Variants in STX1A observed in about 807,000 individuals in gnomAD.
STX1A encodes syntaxin-1A.
In STX1A, 4 loss-of-function variants were observed where a neutral mutation model predicts 37.8. The ratio of observed to expected loss-of-function variants is 0.11; its 90% CI spans 0.05 to 0.24. The LOEUF (loss-of-function observed/expected upper bound fraction) is 0.24, where lower values mean the gene tolerates loss of function less well. STX1A is among the 10% of genes least tolerant of loss of function. The probability of loss-of-function intolerance (pLI) is 1.00; values close to 1 mark genes in which losing one functional copy is unlikely to be tolerated. For missense variants in STX1A, 251 were observed against 399.9 expected (o/e 0.63, Z 3.18); for synonymous variants, 135 against 147.4 (o/e 0.92, Z 0.61).
At chr7:73,708,091 C>A (rs1170666475) in intron 3 of STX1A, among the ~76,000 whole-genome samples, 3 of 150,612 alleles carry the variant, frequency 2.0e-5, no homozygotes, top group African/African-American at 7.3e-5. Context: ...TGGTGAAACC[C>A]CGTCTCTACT....
At chr7:73,711,805 G>T (rs74656420) in intron 1 of STX1A, among the ~76,000 whole-genome samples, 2,112 of 152,130 alleles carry the variant, frequency 0.014, 53 homozygotes, top group African/African-American at 0.048. Context: ...AGAGACGAGC[G>T]TCACTGCCAG....
At chr7:73,703,921 C>G (rs1464993768) in intron 6 of STX1A, 93 bp from the exon 7 acceptor site, 1 of 1,385,514 alleles carries the variant, frequency 7.2e-7, no homozygotes, top group Non-Finnish European at 9.7e-7. Flanking sequence ...GGCCCGGGCT[C>G]CCCCCAGCCC....
Position 73,700,381 on chromosome 7 carries a change from G to A in STX1A, c.*26C>T. 6.2e-7 allele frequency: 1 copy of A among 1,612,150 alleles called. No individual in the cohort carries two copies. Among genetic ancestry groups the A allele is most frequent in the Non-Finnish European group, 8.5e-7 (1 of 1,178,376 alleles). On this transcript the variant is annotated 3_prime_UTR_variant, in exon 10 of 10. Coordinates refer to ENST00000222812, the MANE Select transcript of STX1A (RefSeq NM_004603.4). This position sits in a 1 kb window ranked among gnomAD's most constrained non-coding sequence, Gnocchi z 4.4. ...GGGCCTCCTTGGAGTGGCCCACCTG[G>A]AGTGGAGTGGCAGTTTGGGTGGCTT...
In STX1A at chr7:73,705,365, C is replaced by T; in HGVS notation, c.209-141G>A. 1.5e-6 allele frequency: 1 copy of T among 668,648 alleles called. No homozygotes were observed. Among genetic ancestry groups the T allele is most frequent in the Non-Finnish European group, 2.6e-6 (1 of 384,186 alleles). 41.4% of individuals were successfully genotyped at this position (668,648 alleles called of 1,614,324 possible). A position where few individuals can be genotyped will look rare whatever the true frequency, so the allele number is the denominator to read the frequency against. ...CCCTGTTCCCCTGGCTAAGGCTCTG[C>T]CTGCCCGCCCCCCTCCCCCAATTCT... On this transcript the variant is annotated intron_variant, in intron 3 of 9. Transcript: ENST00000222812. The surrounding 1 kb of genome is among the most constrained non-coding windows in gnomAD (Gnocchi z 5.2).
At position 73,719,445 on chromosome 7, in the gene STX1A, A is replaced by AG. The variant is rs1405941987; in HGVS notation, c.30+156dup. On this transcript the variant is annotated intron_variant, in intron 1 of 9. Transcript: ENST00000222812. ...AGTGGGTCCGAGGGGCGGAACCCGGAGGGGGGTCGAGGTCCCTGGCTCGCC... is the reference window on the plus strand; with the variant it reads ...AGTGGGTCCGAGGGGCGGAACCCGGAGGGGGGGTCGAGGTCCCTGGCTCGCC... Among the ~76,000 whole-genome samples the AG allele has an allele frequency of 2.6e-5, 4 of 152,010 alleles. No homozygotes were observed. In the East Asian group the frequency reaches 7.8e-4, roughly 29 times the overall value.
intron 3 of STX1A, 131 bp downstream of exon 3, chr7:73,708,458 C>A (rs1798965713): frequency 3.6e-6 from 3 of 839,340 alleles, no homozygotes; most frequent in South Asian, 3.3e-5. Context: ...ACCCTCCCGA[C>A]CCTGGCCCGC....
intron 2 of STX1A, 121 bp from the exon 3 acceptor site, chr7:73,708,809 G>A (rs868991469): frequency 9.2e-7 from 1 of 1,089,316 alleles, no homozygotes. Context: ...CAGGCTCCGG[G>A]TGCTGGGGTG....
rs1160729913 is a variant in STX1A, at chr7:73,706,592, T to C, written c.209-1368A>G. On this transcript the variant is annotated intron_variant, in intron 3 of 9. Transcript: ENST00000222812. This position sits in a 1 kb window ranked among gnomAD's most constrained non-coding sequence, Gnocchi z 4.6. The stretch of plus-strand genomic sequence containing the variant: ...CAGAACCGGTCCCTATGACTGTGCA[T>C]GACACCGCAGCAGGAGACGGTGCAG... Among the ~76,000 whole-genome samples the C allele has an allele frequency of 3.9e-5, 6 of 152,122 alleles. No individual in the cohort carries two copies. The highest frequency in any genetic ancestry group is 1.4e-4 in the African/African-American group (6 of 41,422).
chr7:73,710,573 A>G (rs1306453472), intron 1 of STX1A, among the ~76,000 whole-genome samples: 7 of 152,156 alleles, frequency 4.6e-5, no homozygotes, highest in Non-Finnish European at 8.8e-5. Flanking sequence ...TTACAGGTGC[A>G]TGCCACCATG....
In STX1A at chr7:73,702,642, T is replaced by C; in HGVS notation, c.678+203A>G. 1 of 1,434,312 alleles carries C rather than the reference T, an allele frequency of 7.0e-7. No homozygotes were observed. The highest frequency in any genetic ancestry group is 9.2e-7 in the Non-Finnish European group (1 of 1,091,256). The allele number at this position is 1,434,312 out of a possible 1,614,324, so 88.8% of individuals were successfully genotyped here. On this transcript the variant is annotated intron_variant, in intron 8 of 9. Transcript: ENST00000222812. The surrounding 1 kb of genome is among the most constrained non-coding windows in gnomAD (Gnocchi z 4.7). Reference sequence around the variant, plus strand: ...TGGGGCCATGCAGGGCCTGGGGTCCTTGAAGCTCAAGCAGAGCCATGCAGA... The same window carrying C: ...TGGGGCCATGCAGGGCCTGGGGTCCCTGAAGCTCAAGCAGAGCCATGCAGA...
rs372594204 is a variant in STX1A at position 73,703,748 on chromosome 7, C to T, written c.540+7G>A. 1 of 1,612,622 alleles carries T rather than the reference C, an allele frequency of 6.2e-7. No individual in the cohort carries two copies. The highest frequency in any genetic ancestry group is 8.5e-7 in the Non-Finnish European group (1 of 1,179,212). On this transcript the variant is annotated splice_region_variant and intron_variant, in intron 7 of 9. Coordinates refer to ENST00000222812, the MANE Select transcript of STX1A (RefSeq NM_004603.4). ...GTCATGGCAGGAGGGATGGGGCCTA[C>T]ACTCACCCCAGAGGCAAAGATGGCG...
chr7:73,703,023 G>A, intron 7 of STX1A, 41 bp from the exon 8 acceptor site: 1 of 1,536,748 alleles, frequency 6.5e-7, no homozygotes, highest in Non-Finnish European at 8.8e-7. Context: ...GAGGCTTGCT[G>A]AGGGGCAGGG....
Position 73,710,671 on chromosome 7 carries a change from C to T in STX1A, c.31-1549G>A, listed in dbSNP as rs1027294092. On this transcript the variant is annotated intron_variant, in intron 1 of 9. Transcript: ENST00000222812. ...AACTCCTGACCTCAGGTGATCCACCCGCCTCGGCCTCCCAAAGTACTGGGA... is the reference window on the plus strand; with the variant it reads ...AACTCCTGACCTCAGGTGATCCACCTGCCTCGGCCTCCCAAAGTACTGGGA... 3.9e-5 allele frequency among the ~76,000 whole-genome samples: 6 copies of T among 152,202 alleles called. No individual in the cohort carries two copies. The East Asian group carries it at 5.8e-4, about 15-fold the overall frequency.
At position 73,699,731 on chromosome 7, in the gene STX1A, C is replaced by T. The variant is rs1385804065; in HGVS notation, c.*676G>A. 6.5e-6 allele frequency: 1 copy of T among 152,978 alleles called. No homozygotes were observed. Among genetic ancestry groups the T allele is most frequent in the Non-Finnish European group, 1.5e-5 (1 of 68,482 alleles). 9.5% of individuals were successfully genotyped at this position (152,978 alleles called of 1,614,324 possible). A position where few individuals can be genotyped will look rare whatever the true frequency, so the allele number is the denominator to read the frequency against. On this transcript the variant is annotated 3_prime_UTR_variant, in exon 10 of 10. Transcript: ENST00000222812. The stretch of plus-strand genomic sequence containing the variant: ...GCTGGGGTGGCTGGAAATAGGGCAC[C>T]AGCCAGCCCCTTCCAGAGGGACACC...
Position 73,719,617 on chromosome 7 carries a change from G to A in STX1A, c.15C>T (p.Thr5=), listed in dbSNP as rs1799424615. 1.7e-6 allele frequency: 2 copies of A among 1,204,252 alleles called. No homozygotes were observed. The highest frequency in any genetic ancestry group is 2.1e-6 in the Non-Finnish European group (2 of 964,960). 74.6% of individuals were successfully genotyped at this position (1,204,252 alleles called of 1,614,324 possible). A position where few individuals can be genotyped will look rare whatever the true frequency, so the allele number is the denominator to read the frequency against. ...CCGGACTCACCGTGCGGAGCTCCTGGGTTCGGTCCTTCATGCTCCCGGGAG... is the reference window on the plus strand; with the variant it reads ...CCGGACTCACCGTGCGGAGCTCCTGAGTTCGGTCCTTCATGCTCCCGGGAG... The part of the protein sequence containing the change: MKDR[T]QELRTAKDSD... The change falls in exon 1 of 10, where the codon ACC becomes ACT. Residue 5 remains threonine, a synonymous_variant. Coordinates refer to ENST00000222812, the MANE Select transcript of STX1A (RefSeq NM_004603.4).
rs1798821104 is a variant in STX1A, at chr7:73,705,060, AC to A, written c.283+89del. On this transcript the variant is annotated intron_variant, in intron 4 of 9. Transcript: ENST00000222812. The surrounding 1 kb of genome is among the most constrained non-coding windows in gnomAD (Gnocchi z 5.2). ...CAGAAAGGAAAGCAAGATCCGGCGC[AC>A]CCCCTCAGGGCGAGCAAAACCCCAT... 1 of 1,244,096 alleles carries A rather than the reference AC, an allele frequency of 8.0e-7. No individual in the cohort carries two copies. The highest frequency in any genetic ancestry group is 1.2e-6 in the Non-Finnish European group (1 of 846,880). The allele number at this position is 1,244,096 out of a possible 1,614,324, so 77.1% of individuals were successfully genotyped here. A position where few individuals can be genotyped will look rare whatever the true frequency, so the allele number is the denominator to read the frequency against.
In STX1A at chr7:73,717,535, C is replaced by T. The variant is rs1799330934; in HGVS notation, c.30+2067G>A. On this transcript the variant is annotated intron_variant, in intron 1 of 9. Coordinates refer to ENST00000222812, the MANE Select transcript of STX1A (RefSeq NM_004603.4). This position sits in a 1 kb window ranked among gnomAD's most constrained non-coding sequence, Gnocchi z 4.1. ...CCAGAGGGAAAGCAGCCTGTGGGAA[C>T]AGTGGCCCCACCAAGACTGACTGTC... Among the ~76,000 whole-genome samples, 1 of 152,134 alleles carries T rather than the reference C, an allele frequency of 6.6e-6. No homozygotes were observed. Among genetic ancestry groups the T allele is most frequent in the African/African-American group, 2.4e-5 (1 of 41,422 alleles).
rs1799325452 is a variant in STX1A at position 73,717,380 on chromosome 7, C to G, written c.30+2222G>C. Among the ~76,000 whole-genome samples the G allele has an allele frequency of 6.6e-6, 1 of 152,096 alleles. No homozygotes were observed. Among genetic ancestry groups the G allele is most frequent in the Non-Finnish European group, 1.5e-5 (1 of 67,996 alleles). On this transcript the variant is annotated intron_variant, in intron 1 of 9. Transcript: ENST00000222812. This position sits in a 1 kb window ranked among gnomAD's most constrained non-coding sequence, Gnocchi z 4.1. ...TTCTGGGGATTCTGGGCTGAAAATT[C>G]TGACTCCTGGGGCTTCAGGCCTCCT...
intron 4 of STX1A, 129 bp from the exon 5 acceptor site, chr7:73,704,552 A>T: frequency 8.6e-7 from 1 of 1,167,838 alleles, no homozygotes; most frequent in Non-Finnish European, 1.2e-6. Flanking sequence ...TGGTGGGATC[A>T]GTGCCAGGCA....
Sources: gnomAD v4.1 joint callset for allele counts (sites outside exome capture counted in the v4.1 genomes callset) on GRCh38, gnomAD v4.1.1 for gene constraint, Gnocchi (gnomAD v3.1) non-coding constraint, MANE v1.5 for transcripts, NCBI Gene and HGNC (gene_info 2026-07-23, HGNC 2026-07-21) for gene names.